Variants in FARP1 observed in about 807,000 individuals in gnomAD.
The protein encoded by FARP1 is FERM, ARH/RhoGEF and pleckstrin domain protein 1, also known as FERM, ARHGEF and pleckstrin domain-containing protein 1.
A neutral mutation model predicts 128.8 loss-of-function variants in FARP1; 52 were observed. That is an observed-to-expected ratio of 0.40 (90% CI 0.32 to 0.51). The LOEUF is 0.51. FARP1 is among the 20% of genes least tolerant of loss of function. The pLI, the probability that FARP1 is intolerant of heterozygous loss-of-function variation, is 0.45. For missense variants in FARP1, 1,333 were observed against 1,367.9 expected, an observed-to-expected ratio of 0.97 and a Z score of 0.40; for synonymous variants, 580 against 551.8, an observed-to-expected ratio of 1.05 and a Z score of -0.72.
intron 9 of FARP1, 197 bp from the exon 10 acceptor site, chr13:98,389,759 GA>G (rs1228169779): frequency 3.9e-6 from 2 of 509,426 alleles, no homozygotes; most frequent in African/African-American, 3.8e-5. Flanking sequence ...CTGTGGGGAA[GA>G]AAATGATGGA....
At chr13:98,199,711 G>A (rs1218188398) in intron 1 of FARP1, among the ~76,000 whole-genome samples, 1 of 152,200 alleles carries the variant, frequency 6.6e-6, no homozygotes, top group Non-Finnish European at 1.5e-5. Context: ...AGTCGAGTGA[G>A]GTTGGCTGCA....
At chr13:98,319,813 T>G (rs1886911211) in intron 2 of FARP1, among the ~76,000 whole-genome samples, 1 of 152,228 alleles carries the variant, frequency 6.6e-6, no homozygotes, top group Non-Finnish European at 1.5e-5. Context: ...GTCTTTATCT[T>G]TGAAATCTGG....
At chr13:98,418,076 G>T (rs373481398) in intron 16 of FARP1, among the ~76,000 whole-genome samples, 2 of 152,106 alleles carry the variant, frequency 1.3e-5, no homozygotes, top group Non-Finnish European at 2.9e-5. Flanking sequence ...TAGAGACAAA[G>T]TCTCGCTCTG....
intron 1 of FARP1, among the ~76,000 whole-genome samples, chr13:98,160,003 C>T (rs1411090497): frequency 1.3e-5 from 2 of 152,150 alleles, no homozygotes; most frequent in Non-Finnish European, 2.9e-5. Flanking sequence ...TTTTGGAGGT[C>T]AGTCATGGTC....
chr13:98,374,094 A>G (rs1889472584), intron 5 of FARP1, among the ~76,000 whole-genome samples: 1 of 152,110 alleles, frequency 6.6e-6, no homozygotes, highest in South Asian at 2.1e-4. Flanking sequence ...ACATTTCCCT[A>G]TTTATCCCCT....
chr13:98,265,341 A>C (rs1884059894), intron 2 of FARP1, among the ~76,000 whole-genome samples: 2 of 38,696 alleles, frequency 5.2e-5, no homozygotes, highest in African/African-American at 1.6e-4. Flanking sequence ...TTTTTTTGAG[A>C]CGGAGTCTCG....
intron 2 of FARP1, among the ~76,000 whole-genome samples, chr13:98,265,933 C>T (rs1254329056): frequency 6.6e-6 from 1 of 152,148 alleles, no homozygotes; most frequent in African/African-American, 2.4e-5. Flanking sequence ...TTCTCTGTGA[C>T]TTGCCGCAAA....
chr13:98,180,008 C>T (rs1323712670), intron 1 of FARP1, among the ~76,000 whole-genome samples: 1 of 152,052 alleles, frequency 6.6e-6, no homozygotes, highest in Non-Finnish European at 1.5e-5. Context: ...CCTGCTTCTG[C>T]CGGGCTAGGG....
chr13:98,396,023 C>T lies in FARP1; in HGVS notation c.1414+547C>T, dbSNP rs1010197804. On this transcript the variant is annotated intron_variant, in intron 13 of 26. Coordinates refer to ENST00000319562, the MANE Select transcript of FARP1 (RefSeq NM_005766.4). ...CCTCCTTATGAACGCTGGTCCCCCA[C>T]CTCGCCAAGGCCATACATGCGGAAT... 12 of 399,156 alleles carry T rather than the reference C, an allele frequency of 3.0e-5. No individual in the cohort carries two copies. In the East Asian group the frequency reaches 3.2e-4, roughly 11 times the overall value. The allele number at this position is 399,156 out of a possible 1,614,324, so 24.7% of individuals were successfully genotyped here.
chr13:98,393,113 G>A (rs943515158), intron 11 of FARP1, among the ~76,000 whole-genome samples: 10 of 152,358 alleles, frequency 6.6e-5, no homozygotes, highest in Admixed American at 1.3e-4. Flanking sequence ...TGAAAGAGAC[G>A]TGTCAAGATG....
At chr13:98,348,170 A>G (rs1429505512) in intron 3 of FARP1, among the ~76,000 whole-genome samples, 1 of 152,246 alleles carries the variant, frequency 6.6e-6, no homozygotes, top group African/African-American at 2.4e-5. Flanking sequence ...ACTTGTCCCA[A>G]GGCTTGTCAA....
chr13:98,239,317 C>T (rs569926413), intron 2 of FARP1, among the ~76,000 whole-genome samples: 1 of 152,330 alleles, frequency 6.6e-6, no homozygotes, highest in African/African-American at 2.4e-5. Context: ...GAGCCCACAT[C>T]CAGGTTCAGC....
At chr13:98,373,053 GT>G (rs1889416725) in intron 5 of FARP1, among the ~76,000 whole-genome samples, 1 of 152,166 alleles carries the variant, frequency 6.6e-6, no homozygotes, top group Non-Finnish European at 1.5e-5. Flanking sequence ...TACTTCTCAT[GT>G]TACAAGGGCC....
At chr13:98,445,366 C>G (rs112932644) in intron 24 of FARP1, 2,356 of 152,360 alleles carry the variant, frequency 0.015, 78 homozygotes, top group African/African-American at 0.053. Context: ...GTGCGTCAGG[C>G]CTGCTCAGAG....
intron 1 of FARP1, among the ~76,000 whole-genome samples, chr13:98,206,832 T>C (rs1320287854): frequency 6.6e-6 from 1 of 152,252 alleles, no homozygotes; most frequent in Non-Finnish European, 1.5e-5. Flanking sequence ...CTTTAAGGTC[T>C]GGAATAATCA....
chr13:98,309,557 A>T (rs1439775291), intron 2 of FARP1, among the ~76,000 whole-genome samples: 1 of 152,140 alleles, frequency 6.6e-6, no homozygotes, highest in Non-Finnish European at 1.5e-5. Flanking sequence ...TCCTGGACAG[A>T]GATGGGATAG....
intron 2 of FARP1, among the ~76,000 whole-genome samples, chr13:98,279,539 G>A (rs991559540): frequency 1.3e-5 from 2 of 152,220 alleles, no homozygotes; most frequent in African/African-American, 4.8e-5. Context: ...GTTCTGGATT[G>A]ACTGAGCAAC....
chr13:98,444,890 T>C (rs1892726124), intron 24 of FARP1, among the ~76,000 whole-genome samples: 1 of 152,224 alleles, frequency 6.6e-6, no homozygotes, highest in Admixed American at 6.5e-5. Flanking sequence ...AGCCCAGCCC[T>C]GGCCACCACC....
At chr13:98,238,987 A>G (rs61970173) in intron 2 of FARP1, among the ~76,000 whole-genome samples, 1,917 of 152,308 alleles carry the variant, frequency 0.013, 24 homozygotes, top group Non-Finnish European at 0.018. Context: ...TTGTTGTTTT[A>G]GAGAAAAACC....
Sources: gnomAD v4.1 joint callset for allele counts (sites outside exome capture counted in the v4.1 genomes callset) on GRCh38, gnomAD v4.1.1 for gene constraint, MANE v1.5 for transcripts, NCBI Gene and HGNC (gene_info 2026-07-23, HGNC 2026-07-21) for gene names.